The following ZP2 variants were observed in gnomAD, a reference collection of about 807,000 sequenced individuals.
ZP2 encodes the protein zona pellucida glycoprotein 2, also known as zona pellucida sperm-binding protein 2.
A neutral mutation model predicts 84.0 loss-of-function variants in ZP2; 51 were observed. That is an observed-to-expected ratio of 0.61 (90% CI 0.49 to 0.77). The LOEUF is 0.77. ZP2 is among the 30% of genes least tolerant of loss of function. The pLI is 0.00. For missense variants in ZP2, 909 were observed against 911.9 expected (o/e 1.00, Z 0.04); for synonymous variants, 375 against 330.9 (o/e 1.13, Z -1.45).
intron 17 of ZP2, 21 bp downstream of exon 17, chr16:21,198,758 C>T (rs1166347593): frequency 6.2e-7 from 1 of 1,610,484 alleles, no homozygotes; most frequent in Non-Finnish European, 8.5e-7. Flanking sequence ...CCAGGAAGTA[C>T]TCCAGGCTTT....
chr16:21,213,336 T>C (rs1488591945), upstream of ZP2, among the ~76,000 whole-genome samples: 1 of 152,216 alleles, frequency 6.6e-6, no homozygotes, highest in Non-Finnish European at 1.5e-5. Context: ...TGAGCCACTG[T>C]GCCCGGCCCT....
At chr16:21,207,401 C>A (rs933795223) in intron 4 of ZP2, among the ~76,000 whole-genome samples, 1 of 152,078 alleles carries the variant, frequency 6.6e-6, no homozygotes, top group Non-Finnish European at 1.5e-5. Flanking sequence ...CAGGGGTCAG[C>A]CAACCTTTTT....
intron 4 of ZP2, 65 bp from the exon 5 acceptor site, chr16:21,207,055 A>G (rs1220066860): frequency 2.5e-6 from 4 of 1,584,298 alleles, no homozygotes; most frequent in African/African-American, 2.7e-5. Flanking sequence ...CTAGAATACC[A>G]TCTGACCCAT....
intron 4 of ZP2, 50 bp downstream of exon 4, chr16:21,209,581 T>C: frequency 1.9e-6 from 3 of 1,551,914 alleles, no homozygotes; most frequent in South Asian, 2.2e-5. Context: ...TGCCAGTAAC[T>C]CTTAGGTTAC....
intron 13 of ZP2, 48 bp downstream of exon 13, chr16:21,201,658 G>C: frequency 6.2e-7 from 1 of 1,613,216 alleles, no homozygotes; most frequent in Non-Finnish European, 8.5e-7. Context: ...TCATTTTAGG[G>C]AGAAGTTTGA....
intron 7 of ZP2, 26 bp downstream of exon 7, chr16:21,205,394 G>C (rs140229428): frequency 6.2e-7 from 1 of 1,610,488 alleles, no homozygotes; most frequent in South Asian, 1.1e-5. Context: ...TGCTTTGGTG[G>C]TACAAAGCCA....
At chr16:21,198,654 C>T in intron 17 of ZP2, 125 bp downstream of exon 17, 2 of 740,872 alleles carry the variant, frequency 2.7e-6, no homozygotes, top group Non-Finnish European at 4.4e-6. Flanking sequence ...TGGGAAGAGA[C>T]TTAGTCTTTT....
rs1437732196 is a variant in ZP2 at position 21,205,426 on chromosome 16, G to T, written c.687C>A (p.His229Gln). ...HVPFNATGVTHYVQGNSHLYM... is the reference protein window; with the variant it reads ...HVPFNATGVTQYVQGNSHLYM... ...GCCAGACTTCCACACCTACCACATA[G>T]TGAGTCACTCCAGTGGCATTGAATG... The change falls in exon 7 of 19, where the codon CAC becomes CAA. Residue 229 changes from histidine to glutamine, a missense_variant. His to Gln is a conservative substitution (Grantham distance 24). Coordinates refer to ENST00000574091, the MANE Select transcript of ZP2 (RefSeq NM_001376232.1). 3 of 1,613,924 alleles carry T rather than the reference G, an allele frequency of 1.9e-6. No individual in the cohort carries two copies. Among genetic ancestry groups the T allele is most frequent in the South Asian group, 2.2e-5 (2 of 91,068 alleles).
chr16:21,210,860 C>T (rs1202044446), intron 2 of ZP2, among the ~76,000 whole-genome samples: 2 of 151,282 alleles, frequency 1.3e-5, no homozygotes, highest in African/African-American at 4.9e-5. Flanking sequence ...CAGGCGTGAG[C>T]CCCGGCGCCT....
chr16:21,205,335 A>C (rs1178223705), intron 7 of ZP2, 85 bp downstream of exon 7: 1 of 1,496,952 alleles, frequency 6.7e-7, no homozygotes, highest in Non-Finnish European at 9.1e-7. Context: ...TTATAAATTA[A>C]TGTGAAGACA....
intron 7 of ZP2, among the ~76,000 whole-genome samples, 155 bp from the exon 8 acceptor site, chr16:21,204,559 G>A (rs2093241062): frequency 6.6e-6 from 1 of 152,172 alleles, no homozygotes; most frequent in South Asian, 2.1e-4. Flanking sequence ...TGTCTAATCT[G>A]GAGGTATATT....
At chr16:21,204,250 G>A in intron 8 of ZP2, 39 bp from the exon 9 acceptor site, 1 of 1,613,898 alleles carries the variant, frequency 6.2e-7, no homozygotes, top group Middle Eastern at 1.7e-4. Flanking sequence ...TACCAGCCTT[G>A]ATTAAGCTTC....
Position 21,204,736 on chromosome 16 carries a change from G to A in ZP2, c.694-332C>T, listed in dbSNP as rs143887391. Among the ~76,000 whole-genome samples the A allele has an allele frequency of 1.5e-3, 231 of 152,280 alleles. 2 individuals carry two copies. In the South Asian group the frequency reaches 0.017, roughly 11 times the overall value. On this transcript the variant is annotated intron_variant, in intron 7 of 18. Transcript: ENST00000574091. ...CCATTTGTGTTCTTACTGGGAGATAGGACTGTTCTTGAAGTGGTTGGCATT... is the reference window on the plus strand; with the variant it reads ...CCATTTGTGTTCTTACTGGGAGATAAGACTGTTCTTGAAGTGGTTGGCATT...
intron 9 of ZP2, 137 bp from the exon 10 acceptor site, chr16:21,203,388 GA>G: frequency 1.8e-6 from 2 of 1,125,174 alleles, no homozygotes; most frequent in African/African-American, 3.1e-5. Flanking sequence ...ACCAAAACAA[GA>G]GAGACCCTAT....
intron 4 of ZP2, among the ~76,000 whole-genome samples, chr16:21,207,596 T>C (rs2093255685): frequency 6.6e-6 from 1 of 151,478 alleles, no homozygotes; most frequent in East Asian, 1.9e-4. Context: ...GACCAGCCTG[T>C]GCAACATGGT....
At chr16:21,204,690 A>C (rs894250226) in intron 7 of ZP2, among the ~76,000 whole-genome samples, 1 of 152,190 alleles carries the variant, frequency 6.6e-6, no homozygotes, top group African/African-American at 2.4e-5. Flanking sequence ...CAGCAGCCAG[A>C]CAATGTTTTC....
At chr16:21,204,615 C>T (rs1410179146) in intron 7 of ZP2, among the ~76,000 whole-genome samples, 2 of 152,206 alleles carry the variant, frequency 1.3e-5, no homozygotes, top group East Asian at 3.8e-4. Context: ...GTCTAGATCA[C>T]CTGTAGCCAA....
In ZP2 at chr16:21,203,214, G is replaced by A. The variant is rs772531093; in HGVS notation, c.1010C>T (p.Ala337Val). The stretch of plus-strand genomic sequence containing the variant: ...AAGGAGAAAGGTCAGCTTGAGTGAA[G>A]CTAAGTAGAACTGATGGAGTAGGCA... Reference protein sequence around the residue: ...EKCLLHQFYLASLKLTFLLRP... With the variant: ...EKCLLHQFYLVSLKLTFLLRP... Residue 337 changes from alanine (A) to valine (V), a missense_variant, in exon 10 of 19, where the codon GCT (alanine) becomes GTT (valine). By Grantham distance (64) the Ala-to-Val change is moderately conservative. Transcript: ENST00000574091. The A allele has an allele frequency of 2.5e-6, 4 of 1,613,902 alleles. No individual in the cohort carries two copies. Among genetic ancestry groups the A allele is most frequent in the East Asian group, 2.2e-5 (1 of 44,876 alleles).
intron 2 of ZP2, 120 bp from the exon 3 acceptor site, chr16:21,210,312 T>C (rs2152856679): frequency 2.7e-6 from 2 of 752,708 alleles, no homozygotes; most frequent in South Asian, 1.6e-5. Context: ...AATCGTCCCC[T>C]ACCCTGGGAG....
Sources: allele counts gnomAD v4.1 joint callset (sites outside exome capture counted in the v4.1 genomes callset), GRCh38; gene constraint gnomAD v4.1.1; transcripts MANE v1.5; gene names NCBI Gene and HGNC (gene_info 2026-07-23, HGNC 2026-07-21).